ZNF398: variants seen among roughly 807,000 people sequenced by gnomAD.
ZNF398 encodes zinc finger DNA binding protein ZER6.
Under a neutral mutation model 41.9 loss-of-function variants are expected in ZNF398, and 18 were observed. The ratio of observed to expected loss-of-function variants is 0.43; its 90% CI spans 0.30 to 0.64. The LOEUF (loss-of-function observed/expected upper bound fraction) is 0.64, where lower values mean the gene tolerates loss of function less well. ZNF398 is among the 30% of genes least tolerant of loss of function. ZNF398 has a pLI of 0.14. For synonymous variants in ZNF398, 260 were observed against 308.8 expected (o/e 0.84, Z 1.66); for missense variants, 669 against 822.8 (o/e 0.81, Z 2.29).
At chr7:149,163,657 T>C (rs1056078273) in intron 2 of ZNF398, among the ~76,000 whole-genome samples, 1 of 152,132 alleles carries the variant, frequency 6.6e-6, no homozygotes, top group Admixed American at 6.6e-5. Flanking sequence ...GTGTTTTTAG[T>C]AGAGACAGGG....
intron 2 of ZNF398, among the ~76,000 whole-genome samples, chr7:149,141,480 A>C (rs1826825863): frequency 8.9e-6 from 1 of 112,818 alleles, no homozygotes; most frequent in Non-Finnish European, 1.7e-5. Context: ...TTTGAGACGG[A>C]GTCTCACTCT....
intron 2 of ZNF398, among the ~76,000 whole-genome samples, chr7:149,134,458 G>T (rs1185198515): frequency 6.6e-6 from 1 of 151,256 alleles, no homozygotes; most frequent in Non-Finnish European, 1.5e-5. Flanking sequence ...TGTGATAATA[G>T]CTCACTGCAG....
chr7:149,175,622 A>G (rs1206708983), intron 4 of ZNF398, among the ~76,000 whole-genome samples: 10 of 152,170 alleles, frequency 6.6e-5, no homozygotes, highest in Non-Finnish European at 1.2e-4. Flanking sequence ...GTTTCTAGGG[A>G]GTTGGATTCT....
At chr7:149,143,116 G>A (rs1018801085), upstream of ZNF398, among the ~76,000 whole-genome samples, 2 of 148,930 alleles carry the variant, frequency 1.3e-5, no homozygotes, top group East Asian at 2.0e-4. Context: ...GGCCAGGCGC[G>A]GTGGCCAGAG....
At chr7:149,141,162 A>T (rs1046432019) in intron 2 of ZNF398, among the ~76,000 whole-genome samples, 18 of 152,262 alleles carry the variant, frequency 1.2e-4, no homozygotes, top group African/African-American at 4.1e-4. Flanking sequence ...TCTACAACAC[A>T]TATATGATAA....
At chr7:149,135,621 A>T (rs1330663088) in intron 2 of ZNF398, among the ~76,000 whole-genome samples, 1 of 149,788 alleles carries the variant, frequency 6.7e-6, no homozygotes, top group Non-Finnish European at 1.5e-5. Flanking sequence ...GAACTTATCC[A>T]TGTCGCTAAA....
intron 2 of ZNF398, among the ~76,000 whole-genome samples, chr7:149,163,094 T>A (rs922699104): frequency 6.6e-6 from 1 of 152,198 alleles, no homozygotes; most frequent in African/African-American, 2.4e-5. Flanking sequence ...TTGGCTGAGA[T>A]GCAGTTACAG....
Position 149,179,153 on chromosome 7 carries a change from C to G in ZNF398, c.1281C>G (p.Phe427Leu). Reference sequence around the variant, plus strand: ...TCCATAACAGCACTGAGCGTCCTTTCCCCTGTCCTGATTGCCCCAAGCGCT... The same window carrying G: ...TCCATAACAGCACTGAGCGTCCTTTGCCCTGTCCTGATTGCCCCAAGCGCT... ...LRVHNSTERP[F>L]PCPDCPKRFA... Residue 427 changes from phenylalanine (F) to leucine (L), a missense_variant, in exon 6 of 6, where the codon TTC becomes TTG. Around this residue, in one of 3 missense-constraint regions of ZNF398, gnomAD observed 290 missense variants for 292.9 expected, o/e 0.99. Coordinates refer to ENST00000475153, the MANE Select transcript of ZNF398 (RefSeq NM_170686.3). This position sits in a 1 kb window ranked among gnomAD's most constrained non-coding sequence, Gnocchi z 6.1. The G allele has an allele frequency of 6.2e-7, 1 of 1,614,008 alleles. No individual in the cohort carries two copies. The highest frequency in any genetic ancestry group is 1.3e-5 in the African/African-American group (1 of 75,038).
chr7:149,128,056 T>C (rs1191108246), intron 1 of ZNF398, among the ~76,000 whole-genome samples: 1 of 152,210 alleles, frequency 6.6e-6, no homozygotes, highest in Non-Finnish European at 1.5e-5. Context: ...CATCCATGTT[T>C]ACGAAGAGTC....
intron 2 of ZNF398, among the ~76,000 whole-genome samples, chr7:149,133,671 ATATATATACATATATATGTGTG>A (rs1217387546): frequency 1.0e-3 from 49 of 48,186 alleles, no homozygotes; most frequent in African/African-American, 3.0e-3. Flanking sequence ...ATATATATAT[ATATATATACATATATATGTGTG>A]TATATATATA....
At chr7:149,127,548 C>CAACAA in intron 1 of ZNF398, among the ~76,000 whole-genome samples, 1 of 74,886 alleles carries the variant, frequency 1.3e-5, no homozygotes, top group Non-Finnish European at 2.4e-5. Context: ...ACTAAAAATA[C>CAACAA]AAAAAAAAAA....
At chr7:149,163,357 A>G (rs185043044) in intron 2 of ZNF398, among the ~76,000 whole-genome samples, 17 of 149,176 alleles carry the variant, frequency 1.1e-4, no homozygotes, top group Admixed American at 2.0e-4. Context: ...GGCATGCGCC[A>G]TCATGCCCAG....
At chr7:149,141,815 C>T (rs1826833034) in intron 2 of ZNF398, among the ~76,000 whole-genome samples, 1 of 151,880 alleles carries the variant, frequency 6.6e-6, no homozygotes, top group South Asian at 2.1e-4. Flanking sequence ...TCTTGAACTC[C>T]TGACATCAGG....
upstream of ZNF398, among the ~76,000 whole-genome samples, chr7:149,145,268 G>A (rs1328001594): frequency 6.6e-6 from 1 of 152,166 alleles, no homozygotes; most frequent in African/African-American, 2.4e-5. Flanking sequence ...AGGGTCATGT[G>A]CTTATCCTAT....
intron 4 of ZNF398, among the ~76,000 whole-genome samples, chr7:149,170,839 C>G (rs1307015911): frequency 6.6e-6 from 1 of 151,906 alleles, no homozygotes; most frequent in African/African-American, 2.4e-5. Flanking sequence ...AATGTGAAGG[C>G]CTAGGACATT....
At chr7:149,155,617 T>G (rs533153115) in intron 2 of ZNF398, among the ~76,000 whole-genome samples, 3 of 150,934 alleles carry the variant, frequency 2.0e-5, no homozygotes, top group African/African-American at 7.3e-5. Flanking sequence ...GGAAAGGAAT[T>G]TGGATTTTTA....
chr7:149,144,966 T>C (rs1251341901), upstream of ZNF398, among the ~76,000 whole-genome samples: 1 of 152,226 alleles, frequency 6.6e-6, no homozygotes, highest in South Asian at 2.1e-4. Context: ...ATTATTTTTT[T>C]GTAATCTACT....
chr7:149,162,033 T>C (rs1431670724), intron 2 of ZNF398, among the ~76,000 whole-genome samples: 1 of 152,160 alleles, frequency 6.6e-6, no homozygotes, highest in Non-Finnish European at 1.5e-5. Flanking sequence ...TATTTTTACT[T>C]ATTTATATAT....
At position 149,141,564 on chromosome 7, in the gene ZNF398, C is replaced by T. The variant is rs191262626; in HGVS notation, c.-489-12381C>T. 1.5e-3 allele frequency among the ~76,000 whole-genome samples: 223 copies of T among 149,250 alleles called. 1 individual carries two copies. Among genetic ancestry groups the T allele is most frequent in the African/African-American group, 5.1e-3 (211 of 41,092 alleles). Reference sequence around the variant, plus strand: ...CCGCCTCCCGAGTTAATGCCATTCTCCTGCCTCAGCCTCCTGAGTAGCTGG... The same window carrying T: ...CCGCCTCCCGAGTTAATGCCATTCTTCTGCCTCAGCCTCCTGAGTAGCTGG... On this transcript the variant is annotated intron_variant, in intron 2 of 6. Coordinates refer to the ZNF398 transcript ENST00000426851.
Sources: gnomAD v4.1 joint callset for allele counts (sites outside exome capture counted in the v4.1 genomes callset) on GRCh38, gnomAD v4.1.1 for gene constraint, gnomAD v4.1.1 regional missense constraint, Gnocchi (gnomAD v3.1) non-coding constraint, MANE v1.5 for transcripts, NCBI Gene and HGNC (gene_info 2026-07-23, HGNC 2026-07-21) for gene names.